The following FOXN3 variants were observed in gnomAD, a reference collection of about 807,000 sequenced individuals.
The protein encoded by FOXN3 is forkhead box N3.
In FOXN3, 7 loss-of-function variants were observed where a neutral mutation model predicts 38.4. The ratio of observed to expected loss-of-function variants is 0.18; its 90% CI spans 0.10 to 0.34. FOXN3 has a LOEUF of 0.34. Among genes scored for constraint, FOXN3 ranks in the 10% least tolerant of loss-of-function variants. FOXN3 has a pLI of 1.00. For synonymous variants in FOXN3, 230 were observed against 242.2 expected (o/e 0.95, Z 0.47); for missense variants, 456 against 613.4 (o/e 0.74, Z 2.71).
intron 3 of FOXN3, among the ~76,000 whole-genome samples, chr14:89,315,313 A>G (rs1887686962): frequency 6.6e-6 from 1 of 152,304 alleles, no homozygotes; most frequent in African/African-American, 2.4e-5. Flanking sequence ...GATAGCACAA[A>G]TAATTGCTAA....
intron 4 of FOXN3, among the ~76,000 whole-genome samples, chr14:89,219,072 A>G (rs1001763034): frequency 2.6e-5 from 4 of 152,190 alleles, no homozygotes; most frequent in Admixed American, 6.5e-5. Context: ...ATTCCTGCTT[A>G]ATACTTGACA....
chr14:89,218,894 T>C (rs1389594330), intron 4 of FOXN3, among the ~76,000 whole-genome samples: 1 of 152,246 alleles, frequency 6.6e-6, no homozygotes, highest in Non-Finnish European at 1.5e-5. Flanking sequence ...TAGGAAGCCT[T>C]TGTTTCTATA....
At chr14:89,403,470 G>T (rs997984961) in intron 2 of FOXN3, among the ~76,000 whole-genome samples, 1 of 152,242 alleles carries the variant, frequency 6.6e-6, no homozygotes, top group African/African-American at 2.4e-5. Context: ...AAAGTGCTAG[G>T]ATTACAGGCG....
intron 1 of FOXN3, among the ~76,000 whole-genome samples, chr14:89,491,144 T>G (rs575536171): frequency 2.4e-4 from 36 of 150,132 alleles, no homozygotes; most frequent in Non-Finnish European, 3.8e-4. Context: ...GTTTTTTGTT[T>G]TTTTTTTTTT....
At chr14:89,407,037 G>A (rs377077933) in intron 2 of FOXN3, among the ~76,000 whole-genome samples, 92 of 151,036 alleles carry the variant, frequency 6.1e-4, no homozygotes, top group African/African-American at 2.2e-3. Flanking sequence ...ATTTTATAGA[G>A]TAGGGAACAG....
chr14:89,414,410 T>C lies in FOXN3; in HGVS notation c.-14-1920A>G, dbSNP rs77510300. 2.0e-5 allele frequency among the ~76,000 whole-genome samples: 3 copies of C among 152,294 alleles called. No individual in the cohort carries two copies. In the East Asian group the frequency reaches 5.8e-4, roughly 29 times the overall value. Reference sequence around the variant, plus strand: ...GCCACTTCAGCTGTGGAAGCTCTATTAGGGAATTCTAGAAGGCATAATCCT... The same window carrying C: ...GCCACTTCAGCTGTGGAAGCTCTATCAGGGAATTCTAGAAGGCATAATCCT... On this transcript the variant is annotated intron_variant, in intron 1 of 5. Transcript: ENST00000557258.
At chr14:89,594,629 T>C (rs1188939344) in intron 1 of FOXN3, among the ~76,000 whole-genome samples, 4 of 152,254 alleles carry the variant, frequency 2.6e-5, no homozygotes, top group African/African-American at 7.2e-5. Context: ...TTGTAAATTA[T>C]AGACGTTGTA....
At chr14:89,421,778 C>A (rs1891916867), upstream of FOXN3, among the ~76,000 whole-genome samples, 1 of 152,174 alleles carries the variant, frequency 6.6e-6, no homozygotes, top group African/African-American at 2.4e-5. Flanking sequence ...ATCTGCCCGC[C>A]TCAGCCTCCC....
intron 1 of FOXN3, among the ~76,000 whole-genome samples, chr14:89,485,143 C>G (rs1180347075): frequency 7.1e-5 from 7 of 98,738 alleles, no homozygotes; most frequent in African/African-American, 1.4e-4. Flanking sequence ...CAGAGCAAGA[C>G]TCTCTCAAAA....
At chr14:89,349,047 G>A (rs1888866171) in intron 3 of FOXN3, among the ~76,000 whole-genome samples, 1 of 152,186 alleles carries the variant, frequency 6.6e-6, no homozygotes, top group Non-Finnish European at 1.5e-5. Flanking sequence ...AAAACCCAGA[G>A]AAGGGTATTC....
chr14:89,447,671 C>CA (rs916907581), intron 1 of FOXN3, among the ~76,000 whole-genome samples: 7 of 151,912 alleles, frequency 4.6e-5, no homozygotes, highest in African/African-American at 1.5e-4. Context: ...AAGGGCCGCA[C>CA]AAAAAAACCC....
chr14:89,350,240 C>T (rs1233764684), intron 3 of FOXN3: 1 of 153,514 alleles, frequency 6.5e-6, no homozygotes, highest in East Asian at 1.9e-4. Flanking sequence ...GCACCGTCTA[C>T]ATGGAGACTG....
chr14:89,487,377 A>G (rs1893470945), intron 1 of FOXN3, among the ~76,000 whole-genome samples: 1 of 152,190 alleles, frequency 6.6e-6, no homozygotes, highest in African/African-American at 2.4e-5. Flanking sequence ...TATTAATTAG[A>G]TCGGCGGTTC....
chr14:89,182,736 G>T (rs1323993096), intron 4 of FOXN3, among the ~76,000 whole-genome samples: 2 of 152,154 alleles, frequency 1.3e-5, no homozygotes, highest in African/African-American at 4.8e-5. Context: ...TTCCTATAAA[G>T]TTACAGGAAC....
intron 2 of FOXN3, among the ~76,000 whole-genome samples, chr14:89,391,168 A>G (rs536555905): frequency 2.4e-4 from 37 of 152,352 alleles, no homozygotes; most frequent in African/African-American, 8.9e-4. Context: ...GCCCATCACC[A>G]GCCCCAGACT....
chr14:89,498,586 A>G (rs1343335444), intron 1 of FOXN3, among the ~76,000 whole-genome samples: 2 of 152,146 alleles, frequency 1.3e-5, no homozygotes. Context: ...TTTCATCACA[A>G]TTTGGGTTAT....
chr14:89,283,605 C>T (rs890910915), intron 3 of FOXN3, among the ~76,000 whole-genome samples: 2 of 152,070 alleles, frequency 1.3e-5, no homozygotes, highest in Non-Finnish European at 2.9e-5. Flanking sequence ...TCAGGCAGCT[C>T]AAAAGCGGGG....
intron 2 of FOXN3, among the ~76,000 whole-genome samples, chr14:89,355,973 C>T (rs1889204976): frequency 6.6e-6 from 1 of 151,834 alleles, no homozygotes; most frequent in African/African-American, 2.4e-5. Flanking sequence ...TCTGCCCAGG[C>T]CTGTTCTGCC....
At chr14:89,294,552 C>G (rs1000637816) in intron 3 of FOXN3, among the ~76,000 whole-genome samples, 1 of 152,144 alleles carries the variant, frequency 6.6e-6, no homozygotes, top group Non-Finnish European at 1.5e-5. Flanking sequence ...CATTCTAAGT[C>G]ACAGGATGAG....
Sources: allele counts gnomAD v4.1 joint callset (sites outside exome capture counted in the v4.1 genomes callset), GRCh38; gene constraint gnomAD v4.1.1; transcripts MANE v1.5; gene names NCBI Gene and HGNC (gene_info 2026-07-23, HGNC 2026-07-21).